The following METAP1D variants were observed in gnomAD, a reference collection of about 807,000 sequenced individuals.
The protein encoded by METAP1D is methionine aminopeptidase 1D, mitochondrial.
In METAP1D, 31 loss-of-function variants were observed where a neutral mutation model predicts 40.5. That is an observed-to-expected ratio of 0.77 (90% confidence interval 0.58 to 1.03). The LOEUF is 1.03. Ranked by LOEUF, METAP1D falls within the 50% of genes least tolerant of loss-of-function variation. METAP1D has a pLI of 0.00. For synonymous variants in METAP1D, 151 were observed against 146.4 expected (o/e 1.03, Z -0.22); for missense variants, 411 against 420.7 (o/e 0.98, Z 0.20).
At chr2:172,053,270 G>A (rs1227030100) in intron 1 of METAP1D, among the ~76,000 whole-genome samples, 2 of 152,212 alleles carry the variant, frequency 1.3e-5, no homozygotes, top group African/African-American at 4.8e-5. Flanking sequence ...TGGAGTTCAT[G>A]AAGTGTGATC....
intron 1 of METAP1D, among the ~76,000 whole-genome samples, chr2:172,036,172 C>T (rs1445654693): frequency 6.6e-6 from 1 of 151,210 alleles, no homozygotes; most frequent in Admixed American, 6.6e-5. Flanking sequence ...AAAAAGTTAG[C>T]TGGGCGTGGT....
At chr2:172,034,531 G>A (rs182595302) in intron 1 of METAP1D, among the ~76,000 whole-genome samples, 1 of 152,072 alleles carries the variant, frequency 6.6e-6, no homozygotes, top group East Asian at 1.9e-4. Flanking sequence ...TAATATGTAT[G>A]ATGTTACTTT....
chr2:172,010,968 G>A (rs893485765), intron 1 of METAP1D, among the ~76,000 whole-genome samples: 7 of 151,824 alleles, frequency 4.6e-5, no homozygotes, highest in Non-Finnish European at 1.5e-5. Context: ...GGCCAGGCTG[G>A]TCTCTTAAAC....
At chr2:172,021,619 G>A (rs1689010160) in intron 1 of METAP1D, among the ~76,000 whole-genome samples, 1 of 152,200 alleles carries the variant, frequency 6.6e-6, no homozygotes, top group Non-Finnish European at 1.5e-5. Flanking sequence ...GTCATTTTTA[G>A]AGCAATTAGA....
chr2:172,000,382 C>T (rs1574079842), intron 1 of METAP1D, among the ~76,000 whole-genome samples: 1 of 152,200 alleles, frequency 6.6e-6, no homozygotes, highest in East Asian at 1.9e-4. Context: ...ATCTGGACAC[C>T]CGGTTCCCTT....
At chr2:172,034,431 G>A (rs572761702) in intron 1 of METAP1D, among the ~76,000 whole-genome samples, 1 of 150,386 alleles carries the variant, frequency 6.6e-6, no homozygotes, top group Non-Finnish European at 1.5e-5. Context: ...GTGTGTGTGT[G>A]TTATTTCTGG....
chr2:172,059,709 T>C (rs992834737), intron 1 of METAP1D, among the ~76,000 whole-genome samples: 2 of 152,246 alleles, frequency 1.3e-5, no homozygotes, highest in Non-Finnish European at 2.9e-5. Flanking sequence ...CCTTGAGCTG[T>C]AGTTTTCTGA....
At chr2:172,005,546 C>CTTT (rs373606194) in intron 1 of METAP1D, among the ~76,000 whole-genome samples, 28 of 74,924 alleles carry the variant, frequency 3.7e-4, no homozygotes, top group African/African-American at 1.1e-3. Context: ...ATATATATAT[C>CTTT]TTTTTTTTTT....
At position 172,000,028 on chromosome 2, in the gene METAP1D, G is replaced by A. The variant is rs369431181; in HGVS notation, c.40+19G>A. 2.3e-6 allele frequency: 3 copies of A among 1,306,366 alleles called. No individual in the cohort carries two copies. The highest frequency in any genetic ancestry group is 3.1e-5 in the East Asian group (1 of 31,996). 80.9% of individuals were successfully genotyped at this position (1,306,366 alleles called of 1,614,324 possible). A position where few individuals can be genotyped will look rare whatever the true frequency, so the allele number is the denominator to read the frequency against. On this transcript the variant is annotated intron_variant, in intron 1 of 9. Transcript: ENST00000315796. The stretch of plus-strand genomic sequence containing the variant: ...CGCAGAGGTAAGCGCGTGGAGGAGA[G>A]CCCCGTGAGGGTTCGCACGGTTGCT...
intron 1 of METAP1D, among the ~76,000 whole-genome samples, chr2:172,013,248 C>G (rs564053243): frequency 6.6e-6 from 1 of 152,300 alleles, no homozygotes; most frequent in African/African-American, 2.4e-5. Context: ...TTGGCCCCAT[C>G]TTTTAGTTCA....
Position 172,080,567 on chromosome 2 carries a change from T to G in METAP1D, c.*161T>G, listed in dbSNP as rs529576639. The G allele has an allele frequency of 1.4e-4, 101 of 713,072 alleles. No individual in the cohort carries two copies. The highest frequency in any genetic ancestry group is 2.2e-4 in the Non-Finnish European group (93 of 425,420). The allele number at this position is 713,072 out of a possible 1,614,324, so 44.2% of individuals were successfully genotyped here. A position where few individuals can be genotyped will look rare whatever the true frequency, so the allele number is the denominator to read the frequency against. On this transcript the variant is annotated 3_prime_UTR_variant, in exon 10 of 10. Coordinates refer to ENST00000315796, the MANE Select transcript of METAP1D (RefSeq NM_199227.3). The stretch of plus-strand genomic sequence containing the variant: ...AACGCGGGGGAGACTGAAGAGCAAC[T>G]GGGAACTCGGATCTGAAGCCCTGCT...
chr2:172,030,102 T>TTTATTTA (rs1559000803), intron 1 of METAP1D, among the ~76,000 whole-genome samples: 12 of 149,720 alleles, frequency 8.0e-5, no homozygotes, highest in African/African-American at 2.7e-4. Context: ...TTATTTATTT[T>TTTATTTA]TTTTGAGGCA....
rs1553270203 is a variant in METAP1D at position 172,039,667 on chromosome 2, C to CT, written c.41-21823dup. 7.6e-3 allele frequency among the ~76,000 whole-genome samples: 855 copies of CT among 113,110 alleles called. 15 individuals are homozygous for CT. Among genetic ancestry groups the CT allele is most frequent in the African/African-American group, 0.02 (516 of 25,422 alleles). The allele number at this position is 113,110 out of a possible 152,430, so 74.2% of individuals were successfully genotyped here. ...GGTGATGGAGCAAATACCTTTAAAA[C>CT]TTTTTTTTGTTTTTTTTTGAGATGA... On this transcript the variant is annotated intron_variant, in intron 1 of 9. Coordinates refer to ENST00000315796, the MANE Select transcript of METAP1D (RefSeq NM_199227.3).
chr2:172,041,944 G>A lies in METAP1D; in HGVS notation c.41-19554G>A, dbSNP rs1221914591. On this transcript the variant is annotated intron_variant, in intron 1 of 9. Transcript: ENST00000315796. ...GCCTCCCCAGTAGCTGGGATTACAG[G>A]TGCCCACCACTATGCCCAGCTAATT... Among the ~76,000 whole-genome samples, 24 of 119,354 alleles carry A rather than the reference G, an allele frequency of 2.0e-4. 2 individuals are homozygous for A. The highest frequency in any genetic ancestry group is 6.6e-4 in the African/African-American group (24 of 36,512). 78.3% of individuals were successfully genotyped at this position (119,354 alleles called of 152,430 possible).
At chr2:172,066,239 ATT>A in intron 4 of METAP1D, 23 bp from the exon 5 acceptor site, 1 of 1,570,224 alleles carries the variant, frequency 6.4e-7, no homozygotes. Context: ...GTCTATCACC[ATT>A]TTTTTTTCTG....
intron 1 of METAP1D, among the ~76,000 whole-genome samples, chr2:172,034,877 TTTC>T (rs1306228266): frequency 1.3e-5 from 2 of 152,188 alleles, no homozygotes; most frequent in Non-Finnish European, 2.9e-5. Flanking sequence ...TTATTTCTGA[TTTC>T]TTATTTTTCT....
chr2:172,021,839 A>G (rs1025891475), intron 1 of METAP1D: 7 of 152,192 alleles, frequency 4.6e-5, no homozygotes, highest in Non-Finnish European at 7.3e-5. Context: ...GAGGAGAGCA[A>G]GTTCTGCTGG....
At chr2:172,036,592 C>A (rs551211748) in intron 1 of METAP1D, among the ~76,000 whole-genome samples, 1 of 151,842 alleles carries the variant, frequency 6.6e-6, no homozygotes, top group African/African-American at 2.4e-5. Context: ...GTCTCGATCT[C>A]CTGACCTCGT....
chr2:172,077,999 TG>T, intron 7 of METAP1D, 105 bp downstream of exon 7: 1 of 597,232 alleles, frequency 1.7e-6, no homozygotes. Flanking sequence ...ATCAACCTTG[TG>T]TTTGTGTGTG....
Sources: allele counts gnomAD v4.1 joint callset (sites outside exome capture counted in the v4.1 genomes callset), GRCh38; gene constraint gnomAD v4.1.1; transcripts MANE v1.5; gene names NCBI Gene and HGNC (gene_info 2026-07-23, HGNC 2026-07-21).